CSNK1G1: variants seen among roughly 807,000 people sequenced by gnomAD.
The protein encoded by CSNK1G1 is casein kinase 1 gamma 1.
Under a neutral mutation model 59.6 loss-of-function variants are expected in CSNK1G1, and 22 were observed. The observed-to-expected ratio is 0.37, with a 90% CI of 0.26 to 0.53. The LOEUF is 0.53. Among genes scored for constraint, CSNK1G1 ranks in the 20% least tolerant of loss-of-function variants. CSNK1G1 has a pLI of 0.89. For missense variants in CSNK1G1, 384 were observed against 519.5 expected, an observed-to-expected ratio of 0.74 and a Z score of 2.54; for synonymous variants, 179 against 177.1, an observed-to-expected ratio of 1.01 and a Z score of -0.08.
At chr15:64,262,026 A>C (rs1892721336) in intron 2 of CSNK1G1, among the ~76,000 whole-genome samples, 2 of 152,100 alleles carry the variant, frequency 1.3e-5, no homozygotes, top group Non-Finnish European at 2.9e-5. Context: ...GCTATCTTAA[A>C]GTTTAAAATG....
At chr15:64,317,653 C>CA (rs1896346537) in intron 1 of CSNK1G1, among the ~76,000 whole-genome samples, 1 of 151,754 alleles carries the variant, frequency 6.6e-6, no homozygotes, top group South Asian at 2.1e-4. Flanking sequence ...GGCATACCAT[C>CA]ACCCACCTAA....
At chr15:64,334,088 C>G (rs1192644370) in intron 1 of CSNK1G1, among the ~76,000 whole-genome samples, 3 of 152,190 alleles carry the variant, frequency 2.0e-5, no homozygotes, top group Non-Finnish European at 4.4e-5. Flanking sequence ...CAGATATTTA[C>G]TGAACATTCT....
In CSNK1G1 at chr15:64,331,015, G is replaced by T. The variant is rs1427742573; in HGVS notation, c.-225+24973C>A. On this transcript the variant is annotated intron_variant, in intron 1 of 11. Transcript: ENST00000303052. ...AGGAGAACTACAAACCACTGCTCAAGGAAATAAAAGAGGATACAAACAAAT... is the reference window on the plus strand; with the variant it reads ...AGGAGAACTACAAACCACTGCTCAATGAAATAAAAGAGGATACAAACAAAT... 1.0e-4 allele frequency among the ~76,000 whole-genome samples: 10 copies of T among 100,304 alleles called. No homozygotes were observed. The South Asian group carries it at 3.2e-3, about 32-fold the overall frequency. 65.8% of individuals were successfully genotyped at this position (100,304 alleles called of 152,430 possible).
At chr15:64,335,400 A>G (rs780325018) in intron 1 of CSNK1G1, among the ~76,000 whole-genome samples, 5 of 152,146 alleles carry the variant, frequency 3.3e-5, no homozygotes, top group Non-Finnish European at 7.4e-5. Flanking sequence ...TTTTCTTTCA[A>G]TTGTTATACT....
Position 64,180,110 on chromosome 15 carries a change from C to T in CSNK1G1, c.1214+238G>A, listed in dbSNP as rs549935440. On this transcript the variant is annotated intron_variant, in intron 11 of 11. Transcript: ENST00000303052. ...TGTAGCCCTGATAACATGATTCTTT[C>T]GGTTCACTATGTCTTTTTCATGTGA... 2.9e-5 allele frequency: 14 copies of T among 488,672 alleles called. No individual in the cohort carries two copies. In the East Asian group the frequency reaches 3.2e-4, roughly 11 times the overall value. The allele number at this position is 488,672 out of a possible 1,614,324, so 30.3% of individuals were successfully genotyped here. A position where few individuals can be genotyped will look rare whatever the true frequency, so the allele number is the denominator to read the frequency against.
At position 64,171,102 on chromosome 15, in the gene CSNK1G1, A is replaced by G. The variant is rs1031311424; in HGVS notation, c.*829T>C. ...GGCCCCATCCCCCTCAAAACAGGTA[A>G]AAGTAAAACCCCCAATATAACCAGA... is the stretch of plus-strand genomic sequence containing the variant. On this transcript the variant is annotated 3_prime_UTR_variant, in exon 12 of 12. Transcript: ENST00000303052. The surrounding 1 kb of genome is among the most constrained non-coding windows in gnomAD (Gnocchi z 4.8). 6.6e-6 allele frequency: 1 copy of G among 151,022 alleles called. No individual in the cohort carries two copies. Among genetic ancestry groups the G allele is most frequent in the African/African-American group, 2.4e-5 (1 of 40,854 alleles). 9.4% of individuals were successfully genotyped at this position (151,022 alleles called of 1,614,324 possible).
intron 4 of CSNK1G1, among the ~76,000 whole-genome samples, chr15:64,228,642 G>GA (rs2140286942): frequency 6.6e-6 from 1 of 152,092 alleles, no homozygotes; most frequent in Admixed American, 6.5e-5. Flanking sequence ...CTCAAAAAAA[G>GA]AAAAGAAAAA....
chr15:64,199,268 AAAAAGAAAAAG>A (rs1467137094), intron 10 of CSNK1G1, among the ~76,000 whole-genome samples: 1,473 of 145,512 alleles, frequency 0.01, 9 homozygotes, highest in Non-Finnish European at 0.017. Flanking sequence ...AAAAAAAAAA[AAAAAGAAAAAG>A]AAAAGAAAAA....
intron 2 of CSNK1G1, among the ~76,000 whole-genome samples, chr15:64,300,069 T>C (rs1466094176): frequency 6.6e-6 from 1 of 152,286 alleles, no homozygotes; most frequent in Non-Finnish European, 1.5e-5. Flanking sequence ...TATGCAACTC[T>C]ATGTTCATCA....
At chr15:64,301,557 T>C (rs1353852878) in intron 1 of CSNK1G1, among the ~76,000 whole-genome samples, 1 of 152,112 alleles carries the variant, frequency 6.6e-6, no homozygotes, top group Non-Finnish European at 1.5e-5. Flanking sequence ...AAACACACAC[T>C]TATATTTCAC....
chr15:64,225,385 T>C (rs994145983), intron 4 of CSNK1G1, among the ~76,000 whole-genome samples: 4 of 152,052 alleles, frequency 2.6e-5, no homozygotes, highest in African/African-American at 7.2e-5. Context: ...CAAAGGCCCA[T>C]CCCTCTCCGA....
chr15:64,221,188 CCT>C (rs1399941814), intron 4 of CSNK1G1, among the ~76,000 whole-genome samples: 1 of 152,190 alleles, frequency 6.6e-6, no homozygotes, highest in East Asian at 1.9e-4. Flanking sequence ...GGCATAATAT[CCT>C]CTTTCTAAAG....
chr15:64,339,097 G>A (rs1897554486), intron 1 of CSNK1G1, among the ~76,000 whole-genome samples: 2 of 152,142 alleles, frequency 1.3e-5, no homozygotes, highest in South Asian at 2.1e-4. Flanking sequence ...GAGAGAAAAG[G>A]GGCTACAGGA....
rs143588182 is a variant in CSNK1G1, at chr15:64,333,323, G to A, written c.-225+22665C>T. Among the ~76,000 whole-genome samples, 487 of 144,202 alleles carry A rather than the reference G, an allele frequency of 3.4e-3. 2 individuals carry two copies. The highest frequency in any genetic ancestry group is 0.012 in the African/African-American group (460 of 38,880). The allele number at this position is 144,202 out of a possible 152,430, so 94.6% of individuals were successfully genotyped here. A position where few individuals can be genotyped will look rare whatever the true frequency, so the allele number is the denominator to read the frequency against. On this transcript the variant is annotated intron_variant, in intron 1 of 11. Transcript: ENST00000303052. ...GGTCTAAATCTTGAAACAATGGCTG[G>A]GCACAGTGGCTCATGCCTGTAATCC...
At position 64,220,219 on chromosome 15, in the gene CSNK1G1, T is replaced by C. The variant is rs907633609; in HGVS notation, c.293-3506A>G. Among the ~76,000 whole-genome samples the C allele has an allele frequency of 1.3e-3, 193 of 151,922 alleles. 2 individuals carry two copies. The highest frequency in any genetic ancestry group is 2.8e-4 in the Non-Finnish European group (19 of 67,946). On this transcript the variant is annotated intron_variant, in intron 4 of 11. Coordinates refer to ENST00000303052, the MANE Select transcript of CSNK1G1 (RefSeq NM_022048.5). The stretch of plus-strand genomic sequence containing the variant: ...AAGCCATTGTCCTGCCTCAGCCTCC[T>C]GAGTAGCTGAGATTACAGGCACCTG...
rs899589521 is a variant in CSNK1G1, at chr15:64,169,768, A to C, written c.*2163T>G. The C allele has an allele frequency of 1.3e-5, 2 of 152,182 alleles. No homozygotes were observed. Among genetic ancestry groups the C allele is most frequent in the Non-Finnish European group, 2.9e-5 (2 of 68,040 alleles). 9.4% of individuals were successfully genotyped at this position (152,182 alleles called of 1,614,324 possible). On this transcript the variant is annotated 3_prime_UTR_variant, in exon 12 of 12. Coordinates refer to ENST00000303052, the MANE Select transcript of CSNK1G1 (RefSeq NM_022048.5). Reference sequence around the variant, plus strand: ...CTGCCACTTTATGTTTCATATATAGAAACATTTATAGAAATGACATATTAC... The same window carrying C: ...CTGCCACTTTATGTTTCATATATAGCAACATTTATAGAAATGACATATTAC...
intron 6 of CSNK1G1, among the ~76,000 whole-genome samples, chr15:64,212,545 T>C (rs2082261274): frequency 6.6e-6 from 1 of 152,006 alleles, no homozygotes; most frequent in Non-Finnish European, 1.5e-5. Flanking sequence ...TGAGACTCTA[T>C]CTCTATAAAA....
At chr15:64,326,720 C>T (rs796716268) in intron 1 of CSNK1G1, among the ~76,000 whole-genome samples, 10 of 146,104 alleles carry the variant, frequency 6.8e-5, no homozygotes, top group African/African-American at 1.6e-4. Context: ...CCAGCATGAG[C>T]GACGCAGAAG....
chr15:64,229,926 T>A (rs1342800668), intron 4 of CSNK1G1, among the ~76,000 whole-genome samples: 1 of 106,934 alleles, frequency 9.4e-6, no homozygotes, highest in African/African-American at 3.3e-5. Context: ...TTTTTTTTTT[T>A]TTTTTTTTTT....
Sources: gnomAD v4.1 joint callset for allele counts (sites outside exome capture counted in the v4.1 genomes callset) on GRCh38, gnomAD v4.1.1 for gene constraint, Gnocchi (gnomAD v3.1) non-coding constraint, MANE v1.5 for transcripts, NCBI Gene and HGNC (gene_info 2026-07-23, HGNC 2026-07-21) for gene names.